The following RFX3 variants were observed in gnomAD, a reference collection of about 807,000 sequenced individuals.
RFX3 encodes transcription factor RFX3.
Under a neutral mutation model 98.6 loss-of-function variants are expected in RFX3, and 14 were observed. That is an observed-to-expected ratio of 0.14 (90% CI 0.09 to 0.22). The LOEUF (loss-of-function observed/expected upper bound fraction) is 0.22. Among genes scored for constraint, RFX3 ranks in the 10% least tolerant of loss-of-function variants. The pLI, the probability that RFX3 is intolerant of heterozygous loss-of-function variation, is 1.00. For synonymous variants in RFX3, 383 were observed against 328.4 expected (o/e 1.17, Z -1.80); for missense variants, 639 against 926.9 (o/e 0.69, Z 4.03).
intron 1 of RFX3, among the ~76,000 whole-genome samples, chr9:3,402,004 G>A (rs1370264980): frequency 1.3e-5 from 2 of 152,164 alleles, no homozygotes; most frequent in African/African-American, 4.8e-5. Flanking sequence ...AAGTTTTAAG[G>A]CATTCAAATG....
rs147075964 is a variant in RFX3, at chr9:3,295,026, G to A, written c.550-1768C>T. ...GTTATGAATCATCTATAACTTGATT[G>A]TCAGTAAACAAGTTTTCCAGGGGCG... On this transcript the variant is annotated intron_variant, in intron 5 of 16. Coordinates refer to ENST00000617270, the MANE Select transcript of RFX3 (RefSeq NM_001282116.2). Among the ~76,000 whole-genome samples the A allele has an allele frequency of 2.3e-3, 356 of 152,150 alleles. 1 individual carries two copies. The highest frequency in any genetic ancestry group is 8.3e-3 in the African/African-American group (346 of 41,556).
At chr9:3,473,958 T>C (rs183641799) in intron 1 of RFX3, among the ~76,000 whole-genome samples, 18 of 152,172 alleles carry the variant, frequency 1.2e-4, no homozygotes, top group Non-Finnish European at 1.0e-4. Context: ...TTTCTGAAAA[T>C]GTAGCATGGA....
intron 2 of RFX3, among the ~76,000 whole-genome samples, chr9:3,385,092 T>C (rs1351707846): frequency 1.3e-5 from 2 of 152,168 alleles, no homozygotes; most frequent in East Asian, 3.8e-4. Flanking sequence ...AGAATGAGGG[T>C]GTATTTTTAG....
chr9:3,295,062 A>G (rs1007294249), intron 5 of RFX3, among the ~76,000 whole-genome samples: 1 of 152,102 alleles, frequency 6.6e-6, no homozygotes, highest in African/African-American at 2.4e-5. Context: ...CTTAAACATG[A>G]TTTCTGAGTA....
chr9:3,248,182 T>C lies in RFX3; in HGVS notation c.1818A>G (p.Ser606=), dbSNP rs373848023. Residue 606 remains serine (S), a synonymous_variant, in exon 15 of 17, where the codon TCA becomes TCG. Transcript: ENST00000617270. ...QFLLKWSFYS[S]MVIRDLTLRS... is the part of the protein sequence containing the mutation. ...GTAAGGTTAAGTCCCGAATAACCAT[T>C]GAGCTGTTCCAAGAGAAAAGACAAA... The C allele has an allele frequency of 4.4e-5, 70 of 1,600,084 alleles. No homozygotes were observed. The highest frequency in any genetic ancestry group is 6.0e-5 in the Non-Finnish European group (70 of 1,171,608).
chr9:3,504,435 T>G (rs990979005), intron 1 of RFX3, among the ~76,000 whole-genome samples: 2 of 128,498 alleles, frequency 1.6e-5, no homozygotes, highest in Admixed American at 8.7e-5. Context: ...TAGTATATAT[T>G]GTATATAAAA....
intron 16 of RFX3, among the ~76,000 whole-genome samples, chr9:3,226,259 C>T (rs919549918): frequency 5.9e-5 from 9 of 152,172 alleles, no homozygotes; most frequent in Admixed American, 1.3e-4. Flanking sequence ...TCAGATTAAG[C>T]TGGATTCTTT....
At chr9:3,264,096 G>C (rs1586794886) in intron 12 of RFX3, among the ~76,000 whole-genome samples, 1 of 151,760 alleles carries the variant, frequency 6.6e-6, no homozygotes. Context: ...TCATACCTTT[G>C]GAAATAAACT....
At chr9:3,335,038 G>C (rs1457889108) in intron 3 of RFX3, among the ~76,000 whole-genome samples, 1 of 152,074 alleles carries the variant, frequency 6.6e-6, no homozygotes, top group Admixed American at 6.6e-5. Flanking sequence ...AGAATCGCTT[G>C]AACCTGGGAG....
chr9:3,358,072 T>C (rs976470911), intron 2 of RFX3, among the ~76,000 whole-genome samples: 3 of 152,098 alleles, frequency 2.0e-5, no homozygotes, highest in African/African-American at 7.2e-5. Context: ...TAATTTGAAA[T>C]TAAGAGGTTC....
chr9:3,489,049 T>C (rs1850516717), intron 1 of RFX3, among the ~76,000 whole-genome samples: 1 of 152,114 alleles, frequency 6.6e-6, no homozygotes, highest in African/African-American at 2.4e-5. Context: ...AAAGATAAAT[T>C]ATTAATACTT....
In RFX3 at chr9:3,329,407, C is replaced by CAAAAAA. The variant is rs1202028884; in HGVS notation, c.474+846_474+851dup. On this transcript the variant is annotated intron_variant, in intron 4 of 16. Coordinates refer to ENST00000617270, the MANE Select transcript of RFX3 (RefSeq NM_001282116.2). ...TGGGCCACAGAGTAAGACTTCATCTCAAAAAAAAAAAAAAAAAAAAACAAA... is the reference window on the plus strand; with the variant it reads ...TGGGCCACAGAGTAAGACTTCATCTCAAAAAAAAAAAAAAAAAAAAAAAAAAACAAA... 3.0e-3 allele frequency among the ~76,000 whole-genome samples: 114 copies of CAAAAAA among 38,084 alleles called. 5 individuals are homozygous for CAAAAAA. The highest frequency in any genetic ancestry group is 0.013 in the African/African-American group (99 of 7,504). 25.0% of individuals were successfully genotyped at this position (38,084 alleles called of 152,430 possible). A position where few individuals can be genotyped will look rare whatever the true frequency, so the allele number is the denominator to read the frequency against.
intron 9 of RFX3, among the ~76,000 whole-genome samples, chr9:3,274,555 G>C (rs962057392): frequency 6.6e-6 from 1 of 152,126 alleles, no homozygotes; most frequent in Non-Finnish European, 1.5e-5. Flanking sequence ...TACTCAGAAC[G>C]AGAGTAGGAG....
At chr9:3,525,421 G>C (rs1248038291) in intron 1 of RFX3, among the ~76,000 whole-genome samples, 1 of 152,184 alleles carries the variant, frequency 6.6e-6, no homozygotes, top group Non-Finnish European at 1.5e-5. Context: ...ATCCGCATCG[G>C]AAAACTGTGG....
chr9:3,315,912 C>A (rs1254759772), intron 4 of RFX3, among the ~76,000 whole-genome samples: 1 of 152,088 alleles, frequency 6.6e-6, no homozygotes, highest in East Asian at 1.9e-4. Context: ...AAGTCCAGGA[C>A]CAGACAGAGT....
intron 15 of RFX3, chr9:3,247,346 G>A (rs948404279): frequency 9.1e-6 from 9 of 988,036 alleles, no homozygotes; most frequent in African/African-American, 1.7e-5. Context: ...CATCATTAGT[G>A]GTTAGAAGCA....
chr9:3,428,080 G>A (rs1844289027), intron 1 of RFX3, among the ~76,000 whole-genome samples: 1 of 152,064 alleles, frequency 6.6e-6, no homozygotes, highest in South Asian at 2.1e-4. Context: ...TCACAGTCTT[G>A]CACTGTCTGT....
intron 6 of RFX3, among the ~76,000 whole-genome samples, chr9:3,291,400 CAAAACAAAA>C (rs1221355235): frequency 2.6e-4 from 24 of 91,716 alleles, no homozygotes; most frequent in African/African-American, 1.7e-3. Flanking sequence ...AAAAACAAAA[CAAAACAAAA>C]CAAAACAAAA....
At chr9:3,239,784 G>A (rs1819674917) in intron 15 of RFX3, among the ~76,000 whole-genome samples, 1 of 152,204 alleles carries the variant, frequency 6.6e-6, no homozygotes, top group South Asian at 2.1e-4. Flanking sequence ...TTCCTACAGT[G>A]TAAGGAGTCC....
Sources: gnomAD v4.1 joint callset for allele counts (sites outside exome capture counted in the v4.1 genomes callset) on GRCh38, gnomAD v4.1.1 for gene constraint, MANE v1.5 for transcripts, NCBI Gene and HGNC (gene_info 2026-07-23, HGNC 2026-07-21) for gene names.